EIF3H: variants seen among roughly 807,000 people sequenced by gnomAD.
EIF3H encodes eIF-3-gamma.
A neutral mutation model predicts 44.2 loss-of-function variants in EIF3H; 26 were observed. That is an observed-to-expected ratio of 0.59 (90% CI 0.43 to 0.82). EIF3H has a LOEUF of 0.82. Ranked by LOEUF, EIF3H falls within the 40% of genes least tolerant of loss-of-function variation. EIF3H has a pLI of 0.00. For synonymous variants in EIF3H, 166 were observed against 151.9 expected, an observed-to-expected ratio of 1.09 and a Z score of -0.68; for missense variants, 359 against 432.8, an observed-to-expected ratio of 0.83 and a Z score of 1.51.
intron 2 of EIF3H, among the ~76,000 whole-genome samples, chr8:116,660,748 C>T (rs141255333): frequency 3.4e-4 from 52 of 152,226 alleles, no homozygotes; most frequent in African/African-American, 1.2e-3. Context: ...AGTTAGGCTA[C>T]TAAGGGTATG....
chr8:116,661,468 GT>G (rs1813586199), intron 2 of EIF3H, among the ~76,000 whole-genome samples: 1 of 152,184 alleles, frequency 6.6e-6, no homozygotes, highest in Non-Finnish European at 1.5e-5. Flanking sequence ...GATTTCCCCT[GT>G]GGGGATCTTG....
intron 2 of EIF3H, among the ~76,000 whole-genome samples, chr8:116,694,181 A>G (rs1333877286): frequency 6.6e-6 from 1 of 151,306 alleles, no homozygotes; most frequent in African/African-American, 2.4e-5. Flanking sequence ...TTCTCTTCAC[A>G]TAGTTTGTAC....
At chr8:116,692,057 T>G (rs1398352128) in intron 2 of EIF3H, among the ~76,000 whole-genome samples, 1 of 152,196 alleles carries the variant, frequency 6.6e-6, no homozygotes, top group African/African-American at 2.4e-5. Context: ...GTTGTCAGTT[T>G]AAGTAGTACA....
At chr8:116,677,011 T>C (rs1197976588) in intron 2 of EIF3H, among the ~76,000 whole-genome samples, 3 of 151,900 alleles carry the variant, frequency 2.0e-5, no homozygotes, top group Non-Finnish European at 2.9e-5. Context: ...GTAAAAGAAA[T>C]AACATACACA....
chr8:116,749,131 G>A (rs1483650062), intron 1 of EIF3H, among the ~76,000 whole-genome samples: 4 of 152,148 alleles, frequency 2.6e-5, no homozygotes, highest in African/African-American at 9.7e-5. Flanking sequence ...AATTTAAAAG[G>A]TAAGAAATTT....
At chr8:116,753,049 G>T (rs2130994447) in intron 1 of EIF3H, among the ~76,000 whole-genome samples, 1 of 152,140 alleles carries the variant, frequency 6.6e-6, no homozygotes, top group East Asian at 1.9e-4. Flanking sequence ...AACGCATAAA[G>T]AACATACCAT....
chr8:116,672,439 G>A (rs1460419646), intron 2 of EIF3H, among the ~76,000 whole-genome samples: 2 of 152,100 alleles, frequency 1.3e-5, no homozygotes, highest in Non-Finnish European at 2.9e-5. Flanking sequence ...CAGCGCAGAT[G>A]ACATAGCATC....
rs377471784 is a variant in EIF3H at position 116,656,043 on chromosome 8, A to G, written c.558-38T>C. The stretch of plus-strand genomic sequence containing the variant: ...TTAAAAATACTTTAGTCTGATGGTC[A>G]AAAGTAAGTGCTAAACTGACTACTT... On this transcript the variant is annotated intron_variant, in intron 4 of 7. Transcript: ENST00000521861. The G allele has an allele frequency of 8.7e-6, 14 of 1,600,706 alleles. No homozygotes were observed. In the African/African-American group the frequency reaches 1.9e-4, roughly 21 times the overall value.
chr8:116,692,412 TA>T lies in EIF3H; in HGVS notation c.290-33433del, dbSNP rs539430410. On this transcript the variant is annotated intron_variant, in intron 2 of 7. Transcript: ENST00000521861. ...TATTTTTCTAGGGCCTTGATTATAT[TA>T]AAAAAAAGCATCAATATGATAAAGA... Among the ~76,000 whole-genome samples the T allele has an allele frequency of 1.5e-3, 228 of 151,992 alleles. 1 individual carries two copies. Among genetic ancestry groups the T allele is most frequent in the South Asian group, 0.013 (62 of 4,816 alleles).
chr8:116,655,456 A>G (rs1265139220), intron 5 of EIF3H, among the ~76,000 whole-genome samples: 1 of 152,086 alleles, frequency 6.6e-6, no homozygotes, highest in East Asian at 1.9e-4. Flanking sequence ...AAAAGAAAAA[A>G]GCATTTCTGT....
intron 2 of EIF3H, among the ~76,000 whole-genome samples, chr8:116,680,846 AT>A (rs1486230311): frequency 6.7e-4 from 9 of 13,386 alleles, no homozygotes; most frequent in South Asian, 1.9e-3. Context: ...TAATAAATAA[AT>A]AAAAAAAAAG....
chr8:116,735,172 C>A (rs1344130348), intron 1 of EIF3H, among the ~76,000 whole-genome samples: 1 of 152,096 alleles, frequency 6.6e-6, no homozygotes, highest in African/African-American at 2.4e-5. Context: ...TGCAGCCATG[C>A]CCCAAAATAC....
At chr8:116,752,715 AG>A (rs1441587648) in intron 1 of EIF3H, among the ~76,000 whole-genome samples, 2 of 133,702 alleles carry the variant, frequency 1.5e-5, no homozygotes, top group Non-Finnish European at 3.3e-5. Flanking sequence ...AAAGAAAGAA[AG>A]AAAGAAAGAA....
At chr8:116,683,793 G>T (rs193109221) in intron 2 of EIF3H, among the ~76,000 whole-genome samples, 1 of 152,218 alleles carries the variant, frequency 6.6e-6, no homozygotes, top group African/African-American at 2.4e-5. Flanking sequence ...AATGCTAAAG[G>T]TCACATTAAT....
intron 2 of EIF3H, among the ~76,000 whole-genome samples, chr8:116,668,251 T>C (rs1463307155): frequency 2.0e-5 from 3 of 152,184 alleles, no homozygotes; most frequent in Non-Finnish European, 4.4e-5. Context: ...TATAAAACTA[T>C]AAAACATCTA....
intron 2 of EIF3H, among the ~76,000 whole-genome samples, chr8:116,681,038 C>A (rs1010353793): frequency 2.0e-5 from 3 of 150,708 alleles, no homozygotes; most frequent in African/African-American, 7.3e-5. Context: ...TTCAATAATA[C>A]AAAAATGTAC....
intron 1 of EIF3H, among the ~76,000 whole-genome samples, chr8:116,736,752 T>C (rs1213791981): frequency 6.6e-6 from 1 of 152,190 alleles, no homozygotes; most frequent in Non-Finnish European, 1.5e-5. Flanking sequence ...AAACAATTCA[T>C]ACATGCGCTG....
At chr8:116,650,978 GA>G in intron 5 of EIF3H, among the ~76,000 whole-genome samples, 1 of 152,306 alleles carries the variant, frequency 6.6e-6, no homozygotes, top group Admixed American at 6.5e-5. Context: ...TGTAGAGATA[GA>G]AAGTGACTAG....
chr8:116,652,790 G>A (rs999607435), intron 5 of EIF3H, among the ~76,000 whole-genome samples: 4 of 151,488 alleles, frequency 2.6e-5, no homozygotes, highest in Non-Finnish European at 5.9e-5. Flanking sequence ...AACTAGTATA[G>A]AAAGAAACTG....
Sources: allele counts gnomAD v4.1 joint callset (sites outside exome capture counted in the v4.1 genomes callset), GRCh38; gene constraint gnomAD v4.1.1; transcripts MANE v1.5; gene names NCBI Gene and HGNC (gene_info 2026-07-23, HGNC 2026-07-21).